The following AKAIN1 variants were observed in gnomAD, a reference collection of about 807,000 sequenced individuals.
AKAIN1 encodes A-kinase anchor inhibitor 1, also known as A-kinase anchor protein inhibitor 1.
Under a neutral mutation model 3.7 loss-of-function variants are expected in AKAIN1, and 3 were observed. That is an observed-to-expected ratio of 0.82 (90% CI 0.37 to 2.12). The LOEUF is 2.12. Ranked by LOEUF, AKAIN1 falls within the 30% of genes most tolerant of loss-of-function variation. The probability of loss-of-function intolerance (pLI) is 0.06; values close to 1 mark genes in which losing one functional copy is unlikely to be tolerated. For synonymous variants in AKAIN1, 31 were observed against 30.8 expected (o/e 1.01, Z -0.02); for missense variants, 82 against 82.7 (o/e 0.99, Z 0.03).
intron 1 of AKAIN1, among the ~76,000 whole-genome samples, chr18:5,158,007 C>A (rs116329938): frequency 1.3e-5 from 2 of 152,252 alleles, no homozygotes; most frequent in African/African-American, 4.8e-5. Context: ...TTACAACTGA[C>A]TGTGGTATCT....
intron 1 of AKAIN1, among the ~76,000 whole-genome samples, chr18:5,188,020 GA>G (rs1396308557): frequency 2.0e-5 from 3 of 151,758 alleles, no homozygotes; most frequent in African/African-American, 2.4e-5. Context: ...AAATAGGCCA[GA>G]AAAAAAGGGT....
At chr18:5,159,970 A>G (rs58648775) in intron 1 of AKAIN1, among the ~76,000 whole-genome samples, 17,595 of 152,208 alleles carry the variant, frequency 0.12, 1,539 homozygotes, top group African/African-American at 0.25. Context: ...ATAGTGCCCC[A>G]TTTAATGAAT....
chr18:5,192,428 T>TCTTTCTTTCTTTCTTTCTTC (rs2071325780), intron 1 of AKAIN1, among the ~76,000 whole-genome samples: 1 of 119,298 alleles, frequency 8.4e-6, no homozygotes, highest in African/African-American at 2.9e-5. Flanking sequence ...TTTCTTTCTT[T>TCTTTCTTTCTTTCTTTCTTC]CTTTCTTTCT....
At chr18:5,157,702 A>T (rs1057394473) in intron 1 of AKAIN1, among the ~76,000 whole-genome samples, 1 of 151,940 alleles carries the variant, frequency 6.6e-6, no homozygotes, top group African/African-American at 2.4e-5. Flanking sequence ...ACTTTTTTTA[A>T]AATTATTAAA....
In AKAIN1 at chr18:5,185,256, T is replaced by C. The variant is rs541448380; in HGVS notation, c.16+11782A>G. Reference sequence around the variant, plus strand: ...CTATAAAAACCCTGGAAAATAACCTTGGAAATACCATTTGGGACATAGGCC... The same window carrying C: ...CTATAAAAACCCTGGAAAATAACCTCGGAAATACCATTTGGGACATAGGCC... On this transcript the variant is annotated intron_variant, in intron 1 of 1. Transcript: ENST00000434239. Among the ~76,000 whole-genome samples, 14 of 152,142 alleles carry C rather than the reference T, an allele frequency of 9.2e-5. No homozygotes were observed. The East Asian group carries it at 2.7e-3, about 29-fold the overall frequency.
rs1407420840 is a variant in AKAIN1, at chr18:5,144,827, A to G, written c.*735T>C. On this transcript the variant is annotated 3_prime_UTR_variant, in exon 2 of 2. Transcript: ENST00000434239. ...AGGAAATGAGTCATTGGCAACTCAC[A>G]TGTGTAGACTCACTTGTCTTATTTT... is the stretch of plus-strand genomic sequence containing the variant. Among the ~76,000 whole-genome samples the G allele has an allele frequency of 6.6e-6, 1 of 152,212 alleles. No homozygotes were observed. The highest frequency in any genetic ancestry group is 6.5e-5 in the Admixed American group (1 of 15,280).
intron 1 of AKAIN1, among the ~76,000 whole-genome samples, chr18:5,195,304 G>A (rs1363050135): frequency 6.6e-6 from 1 of 152,140 alleles, no homozygotes; most frequent in Non-Finnish European, 1.5e-5. Flanking sequence ...TGTCCAAATT[G>A]TGGGCTCTTT....
chr18:5,147,888 A>G (rs186718972), intron 1 of AKAIN1, among the ~76,000 whole-genome samples: 2 of 152,368 alleles, frequency 1.3e-5, no homozygotes, highest in Admixed American at 1.3e-4. Context: ...ATTTTTCTAT[A>G]TGAAGAGTCA....
At position 5,143,978 on chromosome 18, in the gene AKAIN1, T is replaced by C. The variant is rs913423297; in HGVS notation, c.*1584A>G. 6.6e-6 allele frequency among the ~76,000 whole-genome samples: 1 copy of C among 152,246 alleles called. No homozygotes were observed. The highest frequency in any genetic ancestry group is 6.5e-5 in the Admixed American group (1 of 15,284). On this transcript the variant is annotated 3_prime_UTR_variant, in exon 2 of 2. Coordinates refer to ENST00000434239, the MANE Select transcript of AKAIN1 (RefSeq NM_001145194.2). Reference sequence around the variant, plus strand: ...ATTCTCACTATGTATGCTATGCAATTATATCACATCAGTTATATGACTTTT... The same window carrying C: ...ATTCTCACTATGTATGCTATGCAATCATATCACATCAGTTATATGACTTTT...
At chr18:5,180,477 C>T (rs999859659) in intron 1 of AKAIN1, among the ~76,000 whole-genome samples, 1 of 152,124 alleles carries the variant, frequency 6.6e-6, no homozygotes, top group Non-Finnish European at 1.5e-5. Flanking sequence ...CCAACAGCTC[C>T]ACTCAGCTAG....
At position 5,145,618 on chromosome 18, in the gene AKAIN1, G is replaced by T; in HGVS notation, c.154C>A (p.Arg52=). 1 of 1,551,616 alleles carries T rather than the reference G, an allele frequency of 6.4e-7. No individual in the cohort carries two copies. Among genetic ancestry groups the T allele is most frequent in the Non-Finnish European group, 8.7e-7 (1 of 1,146,944 alleles). ...CCAACGCCCAGTTGGATGTGGTCCC[G>T]GTTGTCACTGATTCTCTCTTCTCTG... The part of the protein sequence containing the change: ...QRREERISDN[R]DHIQLGVGEL... Residue 52 remains arginine (R), a synonymous_variant, in exon 2 of 2, where the codon CGG becomes AGG. Coordinates refer to ENST00000434239, the MANE Select transcript of AKAIN1 (RefSeq NM_001145194.2).
At chr18:5,166,266 C>A (rs1461615238) in intron 1 of AKAIN1, among the ~76,000 whole-genome samples, 1 of 151,842 alleles carries the variant, frequency 6.6e-6, no homozygotes, top group East Asian at 1.9e-4. Context: ...AGTCTTAGAG[C>A]AATGCATTTT....
intron 1 of AKAIN1, among the ~76,000 whole-genome samples, chr18:5,172,174 T>C (rs1003974977): frequency 2.0e-5 from 3 of 152,240 alleles, no homozygotes; most frequent in Admixed American, 6.5e-5. Context: ...GAGAGTAGAA[T>C]AATCATTACC....
At chr18:5,171,723 C>T (rs1432123021) in intron 1 of AKAIN1, among the ~76,000 whole-genome samples, 1 of 152,104 alleles carries the variant, frequency 6.6e-6, no homozygotes, top group East Asian at 1.9e-4. Context: ...AAAAGGGAAC[C>T]TTTGTACATA....
intron 1 of AKAIN1, among the ~76,000 whole-genome samples, chr18:5,150,700 C>T (rs997908109): frequency 6.6e-6 from 1 of 152,166 alleles, no homozygotes; most frequent in Admixed American, 6.5e-5. Context: ...AGCTCCCCAC[C>T]ACGCCCCTCA....
At chr18:5,184,921 A>C (rs1481152761) in intron 1 of AKAIN1, among the ~76,000 whole-genome samples, 3 of 152,168 alleles carry the variant, frequency 2.0e-5, no homozygotes, top group African/African-American at 4.8e-5. Context: ...AGCAGGAGGC[A>C]TCACATTATT....
At chr18:5,195,769 C>T (rs1004198972) in intron 1 of AKAIN1, among the ~76,000 whole-genome samples, 1 of 152,172 alleles carries the variant, frequency 6.6e-6, no homozygotes, top group Non-Finnish European at 1.5e-5. Flanking sequence ...CTTCCTTGCT[C>T]CAGTGTTGAT....
intron 1 of AKAIN1, among the ~76,000 whole-genome samples, chr18:5,182,222 C>T (rs1245831121): frequency 2.6e-5 from 4 of 152,044 alleles, no homozygotes; most frequent in Non-Finnish European, 5.9e-5. Flanking sequence ...ACATAGTGAT[C>T]CAGTAAGTTG....
In AKAIN1 at chr18:5,145,577, C is replaced by T. The variant is rs933783719; in HGVS notation, c.195G>A (p.Lys65=). Residue 65 remains lysine, a synonymous_variant, in exon 2 of 2, where the codon AAG becomes AAA. Coordinates refer to ENST00000434239, the MANE Select transcript of AKAIN1 (RefSeq NM_001145194.2). ...IQLGVGELTK[K]HEKK is the part of the protein sequence containing the mutation. ...ATCCACCATGTTACTTCTTTTCGTG[C>T]TTCTTGGTTAACTCCCCAACGCCCA... 1 of 1,551,390 alleles carries T rather than the reference C, an allele frequency of 6.4e-7. No homozygotes were observed. The highest frequency in any genetic ancestry group is 2.0e-5 in the Admixed American group (1 of 50,988).
Sources: allele counts gnomAD v4.1 joint callset (sites outside exome capture counted in the v4.1 genomes callset), GRCh38; gene constraint gnomAD v4.1.1; transcripts MANE v1.5; gene names NCBI Gene and HGNC (gene_info 2026-07-23, HGNC 2026-07-21).